The following KLRF1 variants were observed in gnomAD, a reference collection of about 807,000 sequenced individuals.
The protein encoded by KLRF1 is killer cell lectin-like receptor subfamily F member 1.
A neutral mutation model predicts 30.7 loss-of-function variants in KLRF1; 27 were observed. That is an observed-to-expected ratio of 0.88 (90% CI 0.65 to 1.21). The LOEUF (loss-of-function observed/expected upper bound fraction) is 1.21. Among genes scored for constraint, KLRF1 ranks in the 50% most tolerant of loss-of-function variants. The pLI, the probability that KLRF1 is intolerant of heterozygous loss-of-function variation, is 0.00. For missense variants in KLRF1, 246 were observed against 259.3 expected (o/e 0.95, Z 0.35); for synonymous variants, 92 against 89.3 (o/e 1.03, Z -0.17).
the KLRF1 span, among the ~76,000 whole-genome samples, chr12:9,812,003 A>G: frequency 8.9e-4 from 136 of 152,326 alleles, no homozygotes; most frequent in African/African-American, 3.2e-3. Flanking sequence ...AATAGTTTGT[A>G]CATAATCTCC....
chr12:9,823,376 C>A (rs1867248393), upstream of KLRF1, among the ~76,000 whole-genome samples: 1 of 152,210 alleles, frequency 6.6e-6, no homozygotes, highest in Non-Finnish European at 1.5e-5. Flanking sequence ...ACAACATGCT[C>A]CTGAATGACT....
Position 9,844,836 on chromosome 12 carries a change from G to A in KLRF1, c.*310G>A, listed in dbSNP as rs533065800. 6.1e-5 allele frequency: 10 copies of A among 163,016 alleles called. No homozygotes were observed. The highest frequency in any genetic ancestry group is 1.6e-4 in the East Asian group (1 of 6,076). 10.1% of individuals were successfully genotyped at this position (163,016 alleles called of 1,614,324 possible). ...TTATGCCTGTTTTTCTGTATCTTGC[G>A]TTTTAAATTCTTAATAAGGTCCTAA... is the stretch of plus-strand genomic sequence containing the variant. On this transcript the variant is annotated 3_prime_UTR_variant, in exon 6 of 6. Coordinates refer to ENST00000617889, the MANE Select transcript of KLRF1 (RefSeq NM_016523.3).
intron 3 of KLRF1, among the ~76,000 whole-genome samples, chr12:9,841,516 C>G (rs975165521): frequency 7.9e-5 from 12 of 152,020 alleles, no homozygotes; most frequent in Non-Finnish European, 1.3e-4. Context: ...TATATTTTAT[C>G]TAATCTCTCA....
chr12:9,844,109 T>A (rs1213419299), intron 5 of KLRF1, among the ~76,000 whole-genome samples: 1 of 152,114 alleles, frequency 6.6e-6, no homozygotes, highest in South Asian at 2.1e-4. Flanking sequence ...TTAAGTGAGG[T>A]GTCCACATGG....
chr12:9,844,660 A>G lies in KLRF1; in HGVS notation c.*134A>G, dbSNP rs1867774018. ...ATCTCTTCTCCCTTCTCCCTCCATC[A>G]TCGACACTGGTCTAGCCTCAGAGTA... On this transcript the variant is annotated 3_prime_UTR_variant, in exon 6 of 6. Transcript: ENST00000617889. 1.1e-5 allele frequency: 6 copies of G among 564,656 alleles called. No homozygotes were observed. The highest frequency in any genetic ancestry group is 2.0e-5 in the South Asian group (1 of 48,956). 35.0% of individuals were successfully genotyped at this position (564,656 alleles called of 1,614,324 possible). A position where few individuals can be genotyped will look rare whatever the true frequency, so the allele number is the denominator to read the frequency against.
At chr12:9,806,707 G>A in the KLRF1 span, among the ~76,000 whole-genome samples, 16 of 152,070 alleles carry the variant, frequency 1.1e-4, no homozygotes, top group African/African-American at 3.6e-4. Flanking sequence ...TTAGAGACAG[G>A]GTCTGATTCT....
upstream of KLRF1, among the ~76,000 whole-genome samples, chr12:9,825,888 T>C (rs73240938): frequency 0.014 from 2,124 of 152,142 alleles, 42 homozygotes; most frequent in African/African-American, 0.048. Flanking sequence ...TCGTGTTTTA[T>C]TTATCAATCT....
At chr12:9,802,838 A>G in the KLRF1 span, among the ~76,000 whole-genome samples, 3 of 152,128 alleles carry the variant, frequency 2.0e-5, no homozygotes, top group Non-Finnish European at 2.9e-5. Context: ...AAAACATTCC[A>G]TGCTCGTGGA....
intron 1 of KLRF1, among the ~76,000 whole-genome samples, chr12:9,829,410 T>TA (rs1867358740): frequency 6.6e-6 from 1 of 152,206 alleles, no homozygotes; most frequent in African/African-American, 2.4e-5. Flanking sequence ...CATTTTTGTT[T>TA]AACTTACTTT....
the KLRF1 span, among the ~76,000 whole-genome samples, chr12:9,808,308 G>C: frequency 6.6e-6 from 1 of 152,056 alleles, no homozygotes; most frequent in African/African-American, 2.4e-5. Context: ...GTTTGTAAAA[G>C]TAAGAAGAAA....
At chr12:9,816,602 A>G in the KLRF1 span, among the ~76,000 whole-genome samples, 1 of 151,888 alleles carries the variant, frequency 6.6e-6, no homozygotes, top group Non-Finnish European at 1.5e-5. Context: ...CATGGCTCAG[A>G]TAGTTTCATT....
At chr12:9,824,637 A>G (rs1867261190), upstream of KLRF1, among the ~76,000 whole-genome samples, 1 of 152,188 alleles carries the variant, frequency 6.6e-6, no homozygotes, top group South Asian at 2.1e-4. Context: ...AGAGAAAGAA[A>G]TGAAGGGCAT....
At chr12:9,828,826 A>G (rs757328564) in intron 1 of KLRF1, among the ~76,000 whole-genome samples, 4 of 152,186 alleles carry the variant, frequency 2.6e-5, no homozygotes, top group Non-Finnish European at 4.4e-5. Flanking sequence ...TTTGGAAATT[A>G]GAGATATTAA....
At chr12:9,810,858 C>T in the KLRF1 span, among the ~76,000 whole-genome samples, 1 of 152,198 alleles carries the variant, frequency 6.6e-6, no homozygotes, top group Non-Finnish European at 1.5e-5. Context: ...AAAAGAACTT[C>T]TCTTTTACCT....
At chr12:9,820,699 C>T in the KLRF1 span, among the ~76,000 whole-genome samples, 1 of 152,218 alleles carries the variant, frequency 6.6e-6, no homozygotes, top group Non-Finnish European at 1.5e-5. Flanking sequence ...CCCAACTTAC[C>T]ACTTCAATCA....
chr12:9,813,095 C>G, the KLRF1 span, among the ~76,000 whole-genome samples: 1 of 151,978 alleles, frequency 6.6e-6, no homozygotes, highest in African/African-American at 2.4e-5. Flanking sequence ...AACCTGCTGC[C>G]AGTCTCATGG....
chr12:9,827,572 T>C lies in KLRF1; in HGVS notation c.28T>C (p.Leu10=). The part of the protein sequence containing the change: MQDEERYMT[L]NVQSKKRSSA... Reference sequence around the variant, plus strand: ...GCAAGATGAAGAAAGATACATGACATTGAATGTACAGTCAAAGAAAAGGAG... The same window carrying C: ...GCAAGATGAAGAAAGATACATGACACTGAATGTACAGTCAAAGAAAAGGAG... The change falls in exon 1 of 6, where the codon TTG becomes CTG. Residue 10 remains leucine, a synonymous_variant. Coordinates refer to ENST00000617889, the MANE Select transcript of KLRF1 (RefSeq NM_016523.3). 1 of 1,607,312 alleles carries C rather than the reference T, an allele frequency of 6.2e-7. No individual in the cohort carries two copies. Among genetic ancestry groups the C allele is most frequent in the East Asian group, 2.2e-5 (1 of 44,628 alleles).
intron 1 of KLRF1, among the ~76,000 whole-genome samples, chr12:9,829,293 C>T (rs1490300854): frequency 1.3e-5 from 2 of 152,110 alleles, no homozygotes; most frequent in African/African-American, 4.8e-5. Flanking sequence ...ATTGAGCATG[C>T]ACAGTTAAAT....
At chr12:9,838,564 A>G (rs4764017) in intron 3 of KLRF1, among the ~76,000 whole-genome samples, 13,886 of 152,182 alleles carry the variant, frequency 0.091, 699 homozygotes, top group African/African-American at 0.13. Context: ...AAAACAGTCA[A>G]TCTTCCCTGC....
Sources: allele counts gnomAD v4.1 joint callset (sites outside exome capture counted in the v4.1 genomes callset), GRCh38; gene constraint gnomAD v4.1.1; transcripts MANE v1.5; gene names NCBI Gene and HGNC (gene_info 2026-07-23, HGNC 2026-07-21).